Variants in ADGRG6 observed in about 807,000 individuals in gnomAD.
ADGRG6 encodes the protein G-protein coupled receptor 126.
In ADGRG6, 84 loss-of-function variants were observed where a neutral mutation model predicts 142.4. The observed-to-expected ratio is 0.59, with a 90% CI of 0.49 to 0.71. ADGRG6 has a LOEUF of 0.71. ADGRG6 is among the 30% of genes least tolerant of loss of function. The probability of loss-of-function intolerance (pLI) is 0.00; values close to 1 mark genes in which losing one functional copy is unlikely to be tolerated. For synonymous variants in ADGRG6, 521 were observed against 520.5 expected, an observed-to-expected ratio of 1.00 and a Z score of -0.01; for missense variants, 1,367 against 1,466.6, an observed-to-expected ratio of 0.93 and a Z score of 1.11.
chr6:142,428,175 C>G (rs1777043149), intron 22 of ADGRG6, among the ~76,000 whole-genome samples: 1 of 152,024 alleles, frequency 6.6e-6, no homozygotes, highest in Admixed American at 6.6e-5. Context: ...TATATGGGTA[C>G]TCACATAAAT....
In ADGRG6 at chr6:142,367,817, C is replaced by G; in HGVS notation, c.352C>G (p.Leu118Val). 1 of 1,613,650 alleles carries G rather than the reference C, an allele frequency of 6.2e-7. No individual in the cohort carries two copies. The highest frequency in any genetic ancestry group is 1.1e-5 in the South Asian group (1 of 91,078). The change falls in exon 3 of 25, where the codon CTA (leucine) becomes GTA (valine). Residue 118 changes from leucine to valine, a missense_variant. Leu to Val is a conservative substitution (Grantham distance 32). This residue lies in a region of ADGRG6 where 737 missense variants were observed against 746.5 expected (regional missense o/e 0.99). Coordinates refer to ENST00000367609, the MANE Select transcript of ADGRG6 (RefSeq NM_198569.3). ...ATTTTGTGGAGCAACTGCCAAAGGC[C>G]TATCATTTAACTCAAGTGCGAATGA... ...TKFCGATAKG[L>V]SFNSSANEMH...
At chr6:142,341,361 T>A (rs1583007610) in intron 2 of ADGRG6, among the ~76,000 whole-genome samples, 1 of 130,388 alleles carries the variant, frequency 7.7e-6, no homozygotes, top group East Asian at 2.0e-4. Flanking sequence ...TAGCATATTG[T>A]AAGAATATAT....
At chr6:142,408,296 G>A in intron 16 of ADGRG6, 27 bp downstream of exon 16, 1 of 1,511,890 alleles carries the variant, frequency 6.6e-7, no homozygotes, top group East Asian at 2.5e-5. Context: ...AATAGCATTT[G>A]GACAGAAGTG....
chr6:142,347,082 T>C (rs1181548819), intron 2 of ADGRG6, among the ~76,000 whole-genome samples: 1 of 152,152 alleles, frequency 6.6e-6, no homozygotes, highest in Non-Finnish European at 1.5e-5. Flanking sequence ...TAATATAACA[T>C]ATTTGTTTAT....
In ADGRG6 at chr6:142,402,783, T is replaced by G. The variant is rs749345281; in HGVS notation, c.1908T>G (p.Ser636=). 2 of 1,604,238 alleles carry G rather than the reference T, an allele frequency of 1.2e-6. No individual in the cohort carries two copies. The highest frequency in any genetic ancestry group is 2.7e-5 in the African/African-American group (2 of 74,702). Residue 636 remains serine, a synonymous_variant, in exon 13 of 25, where the codon TCT becomes TCG. Coordinates refer to ENST00000367609, the MANE Select transcript of ADGRG6 (RefSeq NM_198569.3). ...GCTCAACTCTAATGAATATATTTTCTAATATCTTAAGCAGTTCAGACAGTG... is the reference window on the plus strand; with the variant it reads ...GCTCAACTCTAATGAATATATTTTCGAATATCTTAAGCAGTTCAGACAGTG... ...TLGSTLMNIF[S]NILSSSDSDL... is the part of the protein sequence containing the mutation.
chr6:142,368,753 C>T (rs1331079919), intron 3 of ADGRG6, among the ~76,000 whole-genome samples: 2 of 151,908 alleles, frequency 1.3e-5, no homozygotes, highest in African/African-American at 4.8e-5. Flanking sequence ...ATGGTTAAAA[C>T]ACACATGCTT....
At chr6:142,386,856 A>G (rs1490014392) in intron 6 of ADGRG6, among the ~76,000 whole-genome samples, 1 of 152,016 alleles carries the variant, frequency 6.6e-6, no homozygotes, top group African/African-American at 2.4e-5. Context: ...ACACACACCC[A>G]CACCCACTCA....
intron 2 of ADGRG6, among the ~76,000 whole-genome samples, chr6:142,323,762 G>A (rs148987994): frequency 1.3e-5 from 2 of 151,968 alleles, no homozygotes; most frequent in South Asian, 4.1e-4. Flanking sequence ...AAGTATTTGC[G>A]TATCTGAATG....
At chr6:142,313,434 C>A (rs1396129209) in intron 2 of ADGRG6, among the ~76,000 whole-genome samples, 1 of 151,998 alleles carries the variant, frequency 6.6e-6, no homozygotes, top group East Asian at 1.9e-4. Flanking sequence ...TTCTAAGCAA[C>A]CAGGAGCTTG....
chr6:142,383,630 A>C, intron 5 of ADGRG6, 130 bp from the exon 6 acceptor site: 1 of 607,032 alleles, frequency 1.6e-6, no homozygotes, highest in Non-Finnish European at 2.9e-6. Flanking sequence ...ACAACCTTGG[A>C]GTCTTTTGTA....
intron 2 of ADGRG6, among the ~76,000 whole-genome samples, chr6:142,358,838 G>A (rs574990265): frequency 6.6e-6 from 1 of 152,162 alleles, no homozygotes; most frequent in African/African-American, 2.4e-5. Flanking sequence ...CCAGAAGGCA[G>A]AGGTTGCAGC....
intron 2 of ADGRG6, among the ~76,000 whole-genome samples, chr6:142,355,777 C>G (rs565740455): frequency 4.9e-4 from 74 of 152,006 alleles, no homozygotes; most frequent in African/African-American, 1.6e-3. Flanking sequence ...CCTTACTCAC[C>G]CACCGAGAAC....
chr6:142,418,869 G>A (rs184473815), intron 21 of ADGRG6, among the ~76,000 whole-genome samples: 7 of 152,136 alleles, frequency 4.6e-5, no homozygotes, highest in African/African-American at 1.2e-4. Context: ...CTATAGCGTC[G>A]ATTAGGCACT....
chr6:142,380,226 G>A (rs749198765), intron 4 of ADGRG6, among the ~76,000 whole-genome samples: 2 of 152,068 alleles, frequency 1.3e-5, no homozygotes, highest in African/African-American at 4.8e-5. Context: ...CAGACTTAGG[G>A]TCTATGTTGA....
At chr6:142,428,689 T>G (rs1305068401) in intron 22 of ADGRG6, among the ~76,000 whole-genome samples, 1 of 152,070 alleles carries the variant, frequency 6.6e-6, no homozygotes, top group Non-Finnish European at 1.5e-5. Context: ...TATAAAAGCA[T>G]TAAATCTCAT....
At chr6:142,321,044 A>G (rs899631473) in intron 2 of ADGRG6, among the ~76,000 whole-genome samples, 3 of 152,100 alleles carry the variant, frequency 2.0e-5, no homozygotes, top group Admixed American at 1.3e-4. Flanking sequence ...AGAATTTGAT[A>G]ATTATGGAAT....
At chr6:142,399,783 A>G (rs947287836) in intron 10 of ADGRG6, among the ~76,000 whole-genome samples, 5 of 152,370 alleles carry the variant, frequency 3.3e-5, no homozygotes, top group East Asian at 1.9e-4. Context: ...GAAAACTGAT[A>G]TAACTCACTA....
intron 2 of ADGRG6, among the ~76,000 whole-genome samples, chr6:142,334,058 C>T (rs1779194331): frequency 6.6e-6 from 1 of 152,084 alleles, no homozygotes; most frequent in Non-Finnish European, 1.5e-5. Flanking sequence ...AGTCGGTTTT[C>T]CAACAAATGA....
intron 10 of ADGRG6, among the ~76,000 whole-genome samples, chr6:142,399,332 G>A (rs1775379673): frequency 6.6e-6 from 1 of 152,176 alleles, no homozygotes; most frequent in Admixed American, 6.5e-5. Context: ...AACTCATAGA[G>A]ATGGATGAAT....
Sources: allele counts gnomAD v4.1 joint callset (sites outside exome capture counted in the v4.1 genomes callset), GRCh38; gene constraint gnomAD v4.1.1; regional missense constraint gnomAD v4.1.1; transcripts MANE v1.5; gene names NCBI Gene and HGNC (gene_info 2026-07-23, HGNC 2026-07-21).